CYP20A1: variants seen among roughly 807,000 people sequenced by gnomAD.
CYP20A1 encodes the protein cytochrome P450 family 20 subfamily A member 1.
Under a neutral mutation model 61.4 loss-of-function variants are expected in CYP20A1, and 61 were observed. That is an observed-to-expected ratio of 0.99 (90% CI 0.81 to 1.23). CYP20A1 has a LOEUF of 1.23. Among genes scored for constraint, CYP20A1 ranks in the 50% most tolerant of loss-of-function variants. The pLI is 0.00. For missense variants in CYP20A1, 530 were observed against 542.4 expected (o/e 0.98, Z 0.23); for synonymous variants, 193 against 188.2 (o/e 1.03, Z -0.21).
At chr2:203,246,609 A>G (rs2066465516) in intron 2 of CYP20A1, 146 bp from the exon 3 acceptor site, 1 of 741,906 alleles carries the variant, frequency 1.3e-6, no homozygotes, top group Non-Finnish European at 2.2e-6. Context: ...GAAGGCAAAT[A>G]TAATTGAGTT....
Position 203,282,035 on chromosome 2 carries a change from C to CTT in CYP20A1, c.850+1940_850+1941dup, listed in dbSNP as rs113768629. ...ATATGTCAAAAATAATGTATTCAAC[C>CTT]TTTTTTTTTTTTTTTTTTTGAGACG... is the stretch of plus-strand genomic sequence containing the variant. On this transcript the variant is annotated intron_variant, in intron 8 of 12. Coordinates refer to ENST00000356079, the MANE Select transcript of CYP20A1 (RefSeq NM_177538.3). Among the ~76,000 whole-genome samples, 724 of 116,382 alleles carry CTT rather than the reference C, an allele frequency of 6.2e-3. 12 individuals carry two copies. The highest frequency in any genetic ancestry group is 8.9e-3 in the Non-Finnish European group (513 of 57,550). 76.4% of individuals were successfully genotyped at this position (116,382 alleles called of 152,430 possible).
At chr2:203,292,426 A>G (rs1276337432) in intron 11 of CYP20A1, 100 bp downstream of exon 11, 2 of 787,384 alleles carry the variant, frequency 2.5e-6, no homozygotes, top group African/African-American at 3.4e-5. Context: ...AATATGTAGC[A>G]ATGATACAAC....
chr2:203,274,188 A>ATTTT (rs780141331), intron 6 of CYP20A1, among the ~76,000 whole-genome samples: 1 of 142,534 alleles, frequency 7.0e-6, no homozygotes, highest in Non-Finnish European at 1.5e-5. Flanking sequence ...TTTTAAAATA[A>ATTTT]TTTTTTTTTT....
rs984239074 is a variant in CYP20A1, at chr2:203,303,328, A to T, written c.*6420A>T. ...CCATTTTTTTGTGTTTTTAGTGGAG[A>T]CAGGTTTTCACCATGTTGGCCAGTA... is the stretch of plus-strand genomic sequence containing the variant. On this transcript the variant is annotated 3_prime_UTR_variant, in exon 13 of 13. Transcript: ENST00000356079. 1.9e-4 allele frequency among the ~76,000 whole-genome samples: 29 copies of T among 151,762 alleles called. No homozygotes were observed. The highest frequency in any genetic ancestry group is 2.6e-4 in the Admixed American group (4 of 15,176).
At chr2:203,283,609 C>T (rs575690587) in intron 8 of CYP20A1, among the ~76,000 whole-genome samples, 4 of 132,724 alleles carry the variant, frequency 3.0e-5, no homozygotes, top group Admixed American at 1.6e-4. Context: ...AGTGCAGTGG[C>T]GCCATCTCGG....
intron 4 of CYP20A1, among the ~76,000 whole-genome samples, chr2:203,265,770 A>T (rs2067299110): frequency 1.3e-5 from 2 of 152,132 alleles, no homozygotes; most frequent in Admixed American, 1.3e-4. Flanking sequence ...GGCTCATTGC[A>T]GCCCCGGTCT....
chr2:203,282,041 T>G (rs2068063263), intron 8 of CYP20A1, among the ~76,000 whole-genome samples: 1 of 149,664 alleles, frequency 6.7e-6, no homozygotes, highest in Non-Finnish European at 1.5e-5. Context: ...CAACCTTTTT[T>G]TTTTTTTTTT....
At position 203,304,318 on chromosome 2, in the gene CYP20A1, C is replaced by T. The variant is rs987202482; in HGVS notation, c.*7410C>T. On this transcript the variant is annotated 3_prime_UTR_variant, in exon 13 of 13. Transcript: ENST00000356079. ...GTTCAAGCGATTCTCCTGCCTCAGC[C>T]TCCCGAGTAGCTGCGACTACAGGCG... Among the ~76,000 whole-genome samples, 1 of 152,134 alleles carries T rather than the reference C, an allele frequency of 6.6e-6. No individual in the cohort carries two copies. The highest frequency in any genetic ancestry group is 2.4e-5 in the African/African-American group (1 of 41,444).
chr2:203,288,285 C>T (rs1040087971), intron 9 of CYP20A1, among the ~76,000 whole-genome samples: 1 of 151,482 alleles, frequency 6.6e-6, no homozygotes, highest in East Asian at 1.9e-4. Context: ...AGGCTGGTCT[C>T]GAACTCCTGG....
At chr2:203,278,450 T>C (rs1274526243) in intron 6 of CYP20A1, 123 bp from the exon 7 acceptor site, 8 of 482,858 alleles carry the variant, frequency 1.7e-5, no homozygotes, top group Middle Eastern at 8.6e-4. Flanking sequence ...ATTAGCTTTC[T>C]TTGTTGTTGG....
chr2:203,277,204 C>T (rs576810147), intron 6 of CYP20A1, among the ~76,000 whole-genome samples: 3 of 151,980 alleles, frequency 2.0e-5, no homozygotes, highest in African/African-American at 4.8e-5. Flanking sequence ...AAAAATTAGC[C>T]GGGCGTGGTG....
chr2:203,278,844 A>G (rs1299543727), intron 7 of CYP20A1, among the ~76,000 whole-genome samples, 156 bp downstream of exon 7: 2 of 152,228 alleles, frequency 1.3e-5, no homozygotes, highest in Non-Finnish European at 2.9e-5. Flanking sequence ...GCAAGACGCC[A>G]TCTATAAAAA....
chr2:203,273,353 C>A (rs1466808962), intron 6 of CYP20A1, among the ~76,000 whole-genome samples: 5 of 151,972 alleles, frequency 3.3e-5, no homozygotes, highest in African/African-American at 4.8e-5. Context: ...TACTAAGAAC[C>A]ATAAATAATG....
At chr2:203,243,246 C>T (rs1266083315) in intron 1 of CYP20A1, among the ~76,000 whole-genome samples, 2 of 151,686 alleles carry the variant, frequency 1.3e-5, no homozygotes, top group Admixed American at 6.6e-5. Flanking sequence ...CGGGTTCAAG[C>T]GATTCTCCCA....
intron 4 of CYP20A1, among the ~76,000 whole-genome samples, chr2:203,257,825 G>A (rs2105926093): frequency 7.5e-6 from 1 of 132,472 alleles, no homozygotes; most frequent in Middle Eastern, 4.5e-3. Context: ...CTTAGTAGGT[G>A]TATATATTTA....
At chr2:203,268,698 T>A (rs2067435103) in intron 5 of CYP20A1, among the ~76,000 whole-genome samples, 1 of 152,170 alleles carries the variant, frequency 6.6e-6, no homozygotes, top group Admixed American at 6.6e-5. Context: ...ATGGGTTATA[T>A]GTATAATTTT....
intron 6 of CYP20A1, among the ~76,000 whole-genome samples, chr2:203,275,823 T>C (rs1010774115): frequency 6.6e-6 from 1 of 152,254 alleles, no homozygotes; most frequent in African/African-American, 2.4e-5. Context: ...TATCCTGGCA[T>C]GTTTTAGATG....
intron 9 of CYP20A1, 96 bp from the exon 10 acceptor site, chr2:203,289,669 T>A: frequency 1.9e-6 from 1 of 529,292 alleles, no homozygotes; most frequent in Non-Finnish European, 3.4e-6. Context: ...AAGTTGGGAA[T>A]GTTTGAGCAG....
chr2:203,290,096 A>G (rs758359239), intron 10 of CYP20A1, among the ~76,000 whole-genome samples: 18 of 151,936 alleles, frequency 1.2e-4, no homozygotes, highest in Non-Finnish European at 2.4e-4. Context: ...GCCCGCCACC[A>G]TGGCCAGCTA....
Sources: allele counts gnomAD v4.1 joint callset (sites outside exome capture counted in the v4.1 genomes callset), GRCh38; gene constraint gnomAD v4.1.1; transcripts MANE v1.5; gene names NCBI Gene and HGNC (gene_info 2026-07-23, HGNC 2026-07-21).